Variants in IFT43 observed in about 807,000 individuals in gnomAD.
IFT43 encodes intraflagellar transport protein 43 homolog.
IFT43 carries 33 observed loss-of-function variants against 32.3 expected under a neutral mutation model. The observed-to-expected ratio is 1.02, with a 90% CI of 0.77 to 1.37. The LOEUF is 1.37. Ranked by LOEUF, IFT43 falls within the 40% of genes most tolerant of loss-of-function variation. The probability of loss-of-function intolerance (pLI) is 0.00; values close to 1 mark genes in which losing one functional copy is unlikely to be tolerated. For synonymous variants in IFT43, 93 were observed against 98.2 expected, an observed-to-expected ratio of 0.95 and a Z score of 0.31; for missense variants, 274 against 265.9, an observed-to-expected ratio of 1.03 and a Z score of -0.21.
intron 2 of IFT43, among the ~76,000 whole-genome samples, chr14:76,004,423 T>C (rs1416263264): frequency 2.6e-5 from 4 of 152,270 alleles, no homozygotes; most frequent in African/African-American, 9.6e-5. Context: ...TGTAAGTCTT[T>C]TCTCCTCCCT....
At chr14:76,032,827 A>G (rs903954575) in intron 3 of IFT43, among the ~76,000 whole-genome samples, 83 of 152,310 alleles carry the variant, frequency 5.4e-4, no homozygotes, top group African/African-American at 1.9e-3. Flanking sequence ...TGATGTGGAG[A>G]CATTTTGGAG....
At chr14:76,058,248 C>A in intron 3 of IFT43, 2 of 259,548 alleles carry the variant, frequency 7.7e-6, no homozygotes, top group South Asian at 9.2e-5. Context: ...TTGCTCGTTG[C>A]AAGTCGCAAG....
chr14:75,999,957 T>G (rs1446373665), intron 2 of IFT43, among the ~76,000 whole-genome samples: 3 of 152,230 alleles, frequency 2.0e-5, no homozygotes, highest in Non-Finnish European at 4.4e-5. Context: ...GCAGCTACAC[T>G]GGAGGATAGA....
At chr14:76,016,424 A>G (rs1346880298) in intron 2 of IFT43, among the ~76,000 whole-genome samples, 1 of 152,058 alleles carries the variant, frequency 6.6e-6, no homozygotes, top group Non-Finnish European at 1.5e-5. Context: ...TTGTTTTTAT[A>G]CCAATATTAT....
At chr14:76,028,766 A>G (rs1437835815) in intron 3 of IFT43, among the ~76,000 whole-genome samples, 1 of 152,108 alleles carries the variant, frequency 6.6e-6, no homozygotes, top group Non-Finnish European at 1.5e-5. Flanking sequence ...AGCTATATCC[A>G]TATTGCTGCA....
At chr14:76,056,848 G>A (rs188831901) in intron 3 of IFT43, among the ~76,000 whole-genome samples, 1 of 152,272 alleles carries the variant, frequency 6.6e-6, no homozygotes, top group African/African-American at 2.4e-5. Flanking sequence ...TGGCTACTGG[G>A]TGCTCTTCCT....
chr14:76,040,464 AAGGTGCATC>A (rs1402397286), intron 3 of IFT43, among the ~76,000 whole-genome samples: 1 of 152,228 alleles, frequency 6.6e-6, no homozygotes, highest in East Asian at 1.9e-4. Context: ...AAGAGGTATG[AAGGTGCATC>A]AGCCTTTTTC....
chr14:76,035,781 C>G (rs1290849148), intron 3 of IFT43, among the ~76,000 whole-genome samples: 2 of 152,246 alleles, frequency 1.3e-5, no homozygotes, highest in Admixed American at 6.5e-5. Flanking sequence ...ATGTGCTGCA[C>G]TGTGGGTGCC....
intron 5 of IFT43, among the ~76,000 whole-genome samples, chr14:76,078,366 C>T (rs1232499159): frequency 6.6e-6 from 1 of 152,112 alleles, no homozygotes; most frequent in Non-Finnish European, 1.5e-5. Context: ...TGGTTTCCTT[C>T]TTTGTGTGTA....
At chr14:76,049,202 T>G (rs573823702) in intron 3 of IFT43, among the ~76,000 whole-genome samples, 9 of 152,352 alleles carry the variant, frequency 5.9e-5, no homozygotes, top group African/African-American at 2.2e-4. Context: ...TCCAGTCTCG[T>G]TTATCTCCAT....
intron 5 of IFT43, among the ~76,000 whole-genome samples, chr14:76,064,996 A>G (rs1225870581): frequency 6.6e-6 from 1 of 152,208 alleles, no homozygotes; most frequent in Non-Finnish European, 1.5e-5. Flanking sequence ...TGAGCACTGA[A>G]GTTTACACAT....
At chr14:75,998,131 G>C (rs1309723496) in intron 2 of IFT43, among the ~76,000 whole-genome samples, 1 of 152,134 alleles carries the variant, frequency 6.6e-6, no homozygotes, top group African/African-American at 2.4e-5. Flanking sequence ...TTCAATCACA[G>C]TTTGTAATCA....
chr14:76,083,334 C>T, intron 8 of IFT43, 45 bp downstream of exon 8: 1 of 1,609,602 alleles, frequency 6.2e-7, no homozygotes, highest in East Asian at 2.2e-5. Context: ...CTCTGGCATT[C>T]CCATAACCAG....
At position 76,023,254 on chromosome 14, in the gene IFT43, A is replaced by T. The variant is rs185539652; in HGVS notation, c.215+860A>T. 5.1e-4 allele frequency among the ~76,000 whole-genome samples: 78 copies of T among 152,342 alleles called. 1 individual carries two copies. The highest frequency in any genetic ancestry group is 1.7e-3 in the African/African-American group (71 of 41,576). On this transcript the variant is annotated intron_variant, in intron 3 of 8. Coordinates refer to ENST00000314067, the MANE Select transcript of IFT43 (RefSeq NM_001102564.3). ...AAAGACTGAAGGAAATTACATATGT[A>T]ACAGGAATGTTGCTGTTGTGTTTAG...
chr14:76,069,295 C>T (rs559312540), intron 5 of IFT43, among the ~76,000 whole-genome samples: 14 of 152,174 alleles, frequency 9.2e-5, no homozygotes, highest in African/African-American at 3.4e-4. Flanking sequence ...TTGATTTGGA[C>T]TGGGGGATGA....
chr14:76,079,005 A>G (rs945342376), intron 5 of IFT43, among the ~76,000 whole-genome samples: 2 of 152,168 alleles, frequency 1.3e-5, no homozygotes, highest in African/African-American at 4.8e-5. Context: ...TAGTTATTGG[A>G]ATCGAGAGAA....
At chr14:76,046,459 C>G (rs2036810567) in intron 3 of IFT43, among the ~76,000 whole-genome samples, 1 of 151,970 alleles carries the variant, frequency 6.6e-6, no homozygotes. Flanking sequence ...TCCCCAGAAG[C>G]AAAAAGTATG....
chr14:76,036,237 C>T (rs529216559), intron 3 of IFT43, among the ~76,000 whole-genome samples: 7 of 152,166 alleles, frequency 4.6e-5, no homozygotes, highest in African/African-American at 1.7e-4. Context: ...TGAGTTACTT[C>T]CATTGTCTCA....
chr14:76,049,527 C>T (rs1400530603), intron 3 of IFT43, among the ~76,000 whole-genome samples: 16 of 150,298 alleles, frequency 1.1e-4, no homozygotes, highest in African/African-American at 2.9e-4. Flanking sequence ...GTAGAGTTTT[C>T]TTTTAAAAAA....
Sources: gnomAD v4.1 joint callset for allele counts (sites outside exome capture counted in the v4.1 genomes callset) on GRCh38, gnomAD v4.1.1 for gene constraint, MANE v1.5 for transcripts, NCBI Gene and HGNC (gene_info 2026-07-23, HGNC 2026-07-21) for gene names.